Variants in ZNRF3 observed in about 807,000 individuals in gnomAD.
ZNRF3 encodes the protein E3 ubiquitin-protein ligase ZNRF3.
A neutral mutation model predicts 72.5 loss-of-function variants in ZNRF3; 23 were observed. That is an observed-to-expected ratio of 0.32 (90% CI 0.23 to 0.45). The LOEUF is 0.45. ZNRF3 is among the 20% of genes least tolerant of loss of function. The pLI is 1.00. For synonymous variants in ZNRF3, 610 were observed against 545.3 expected, an observed-to-expected ratio of 1.12 and a Z score of -1.65; for missense variants, 1,169 against 1,272.1, an observed-to-expected ratio of 0.92 and a Z score of 1.23.
At chr22:29,051,156 C>T (rs1428444704) in intron 8 of ZNRF3, among the ~76,000 whole-genome samples, 1 of 152,154 alleles carries the variant, frequency 6.6e-6, no homozygotes, top group African/African-American at 2.4e-5. Context: ...ATCTCGGGAT[C>T]TCTCCCCAAG....
At chr22:29,047,538 C>G (rs2037098676) in intron 6 of ZNRF3, among the ~76,000 whole-genome samples, 1 of 152,236 alleles carries the variant, frequency 6.6e-6, no homozygotes, top group Non-Finnish European at 1.5e-5. Flanking sequence ...ACTCTGGGTT[C>G]TAATCCTGAC....
At chr22:28,989,758 C>T (rs1200843988) in intron 2 of ZNRF3, among the ~76,000 whole-genome samples, 1 of 152,158 alleles carries the variant, frequency 6.6e-6, no homozygotes, top group Non-Finnish European at 1.5e-5. Context: ...GTGGCCTAGA[C>T]ACAGGCTAAC....
At chr22:29,037,359 T>C (rs2056569659) in intron 2 of ZNRF3, among the ~76,000 whole-genome samples, 1 of 152,160 alleles carries the variant, frequency 6.6e-6, no homozygotes, top group South Asian at 2.1e-4. Flanking sequence ...GATGGGACAA[T>C]TCTCATCATA....
intron 2 of ZNRF3, among the ~76,000 whole-genome samples, chr22:29,016,789 C>G (rs545265983): frequency 6.6e-6 from 1 of 152,298 alleles, no homozygotes; most frequent in African/African-American, 2.4e-5. Context: ...GTTCATTCAC[C>G]TGGAGAAACT....
At chr22:29,014,091 G>T (rs2036391166) in intron 2 of ZNRF3, among the ~76,000 whole-genome samples, 1 of 152,014 alleles carries the variant, frequency 6.6e-6, no homozygotes, top group Non-Finnish European at 1.5e-5. Context: ...TTTTTCATCT[G>T]TCCTGGTCGT....
Position 28,944,959 on chromosome 22 carries a change from A to AAATAAATAAT in ZNRF3, c.301-42112_301-42111insATAATAATAA, listed in dbSNP as rs1376464189. On this transcript the variant is annotated intron_variant, in intron 1 of 8. Coordinates refer to ENST00000544604, the MANE Select transcript of ZNRF3 (RefSeq NM_001206998.2). Reference sequence around the variant, plus strand: ...TAAATAAATAAATAAATAAATAAATAAATAATAATAATACTCATACTCCTT... The same window carrying AAATAAATAAT: ...TAAATAAATAAATAAATAAATAAATAAATAAATAATAATAATAATAATACTCATACTCCTT... Among the ~76,000 whole-genome samples, 9 of 133,002 alleles carry AAATAAATAAT rather than the reference A, an allele frequency of 6.8e-5. No individual in the cohort carries two copies. The East Asian group carries it at 8.4e-4, about 12-fold the overall frequency. The allele number at this position is 133,002 out of a possible 152,430, so 87.3% of individuals were successfully genotyped here. A position where few individuals can be genotyped will look rare whatever the true frequency, so the allele number is the denominator to read the frequency against.
chr22:28,884,407 A>G (rs73388870), intron 1 of ZNRF3, among the ~76,000 whole-genome samples: 320 of 152,344 alleles, frequency 2.1e-3, no homozygotes, highest in African/African-American at 7.5e-3. Context: ...TTGAATGCCA[A>G]CTTTGAAAAG....
intron 1 of ZNRF3, among the ~76,000 whole-genome samples, chr22:28,938,796 TTGTAAGA>T (rs1160287142): frequency 6.6e-6 from 1 of 152,216 alleles, no homozygotes; most frequent in East Asian, 1.9e-4. Flanking sequence ...ACATTAGAGT[TTGTAAGA>T]TGTAAGATGG....
At chr22:28,942,625 A>T (rs2034968040) in intron 1 of ZNRF3, among the ~76,000 whole-genome samples, 1 of 152,162 alleles carries the variant, frequency 6.6e-6, no homozygotes, top group Admixed American at 6.5e-5. Flanking sequence ...CTTACCCTGG[A>T]ATCCTGTATG....
chr22:29,049,643 C>T lies in ZNRF3; in HGVS notation c.1462C>T (p.Pro488Ser). Reference protein sequence around the residue: ...SYPEQEGQSPPSLAPRGPARA... With the variant: ...SYPEQEGQSPSSLAPRGPARA... The stretch of plus-strand genomic sequence containing the variant: ...CCCGGAGCAGGAGGGGCAGTCCCCA[C>T]CTAGCCTCGCACCCCGGGGCCCGGC... Residue 488 changes from proline (P) to serine (S), a missense_variant, in exon 8 of 9, where the codon CCT becomes TCT. Transcript: ENST00000544604. The surrounding 1 kb of genome is among the most constrained non-coding windows in gnomAD (Gnocchi z 5.2). 5 of 1,610,532 alleles carry T rather than the reference C, an allele frequency of 3.1e-6. No individual in the cohort carries two copies. Among genetic ancestry groups the T allele is most frequent in the Non-Finnish European group, 4.2e-6 (5 of 1,179,614 alleles).
At chr22:28,971,931 C>T (rs554369291) in intron 1 of ZNRF3, among the ~76,000 whole-genome samples, 59 of 152,278 alleles carry the variant, frequency 3.9e-4, no homozygotes, top group Admixed American at 9.8e-4. Flanking sequence ...TGGTCTCAAA[C>T]TCCTGGCTTC....
intron 1 of ZNRF3, among the ~76,000 whole-genome samples, chr22:28,972,729 A>T (rs1194356400): frequency 1.3e-5 from 2 of 152,176 alleles, no homozygotes; most frequent in Admixed American, 6.5e-5. Flanking sequence ...TGCCATCAGC[A>T]GTGTTTGAGG....
intron 2 of ZNRF3, among the ~76,000 whole-genome samples, chr22:29,038,430 G>A (rs2036902348): frequency 6.6e-6 from 1 of 151,546 alleles, no homozygotes; most frequent in African/African-American, 2.4e-5. Flanking sequence ...TCAACCTCCT[G>A]GGCTCAAGCA....
intron 2 of ZNRF3, among the ~76,000 whole-genome samples, chr22:29,010,255 A>C (rs562677965): frequency 2.3e-4 from 35 of 151,810 alleles, no homozygotes; most frequent in Non-Finnish European, 4.1e-4. Context: ...CAGGCTCCTC[A>C]CTTCTGCCTC....
intron 1 of ZNRF3, among the ~76,000 whole-genome samples, chr22:28,903,113 G>A (rs974411457): frequency 2.0e-5 from 3 of 152,098 alleles, no homozygotes; most frequent in South Asian, 2.1e-4. Flanking sequence ...TCATTTCTCC[G>A]ATTCCCAGTT....
chr22:28,912,662 CTTTTTTT>C (rs138371253), intron 1 of ZNRF3, among the ~76,000 whole-genome samples: 2 of 119,546 alleles, frequency 1.7e-5, no homozygotes, highest in African/African-American at 2.9e-5. Context: ...TCTTTTCTTT[CTTTTTTT>C]TTTTTTTTTT....
At chr22:28,982,433 C>CA (rs61589852) in intron 1 of ZNRF3, among the ~76,000 whole-genome samples, 2,569 of 76,330 alleles carry the variant, frequency 0.034, 77 homozygotes, top group African/African-American at 0.074. Context: ...CCTGTCTCTA[C>CA]AAAAAAAAAA....
chr22:28,885,745 G>A (rs2033773994), intron 1 of ZNRF3, among the ~76,000 whole-genome samples: 1 of 152,176 alleles, frequency 6.6e-6, no homozygotes, highest in Non-Finnish European at 1.5e-5. Context: ...ATTATGAGGA[G>A]TGTTATGCTT....
At position 29,056,780 on chromosome 22, in the gene ZNRF3, G is replaced by A. The variant is rs896478281; in HGVS notation, c.*3158G>A. 1 of 152,164 alleles carries A rather than the reference G, an allele frequency of 6.6e-6. No individual in the cohort carries two copies. The highest frequency in any genetic ancestry group is 1.5e-5 in the Non-Finnish European group (1 of 68,058). 9.4% of individuals were successfully genotyped at this position (152,164 alleles called of 1,614,324 possible). A position where few individuals can be genotyped will look rare whatever the true frequency, so the allele number is the denominator to read the frequency against. ...TTTACCAACAAGGTACCTCTTTATGGATGCAGCCCCAGTAAGCTGGCTTTA... is the reference window on the plus strand; with the variant it reads ...TTTACCAACAAGGTACCTCTTTATGAATGCAGCCCCAGTAAGCTGGCTTTA... On this transcript the variant is annotated 3_prime_UTR_variant, in exon 9 of 9. Coordinates refer to ENST00000544604, the MANE Select transcript of ZNRF3 (RefSeq NM_001206998.2).
Sources: gnomAD v4.1 joint callset for allele counts (sites outside exome capture counted in the v4.1 genomes callset) on GRCh38, gnomAD v4.1.1 for gene constraint, Gnocchi (gnomAD v3.1) non-coding constraint, MANE v1.5 for transcripts, NCBI Gene and HGNC (gene_info 2026-07-23, HGNC 2026-07-21) for gene names.